The following CA4 variants were observed in gnomAD, a reference collection of about 807,000 sequenced individuals.
CA4 encodes the protein CA-IV.
Under a neutral mutation model 34.5 loss-of-function variants are expected in CA4, and 24 were observed. The ratio of observed to expected loss-of-function variants is 0.70; its 90% CI spans 0.50 to 0.98. The LOEUF (loss-of-function observed/expected upper bound fraction) is 0.98, where lower values mean the gene tolerates loss of function less well. Among genes scored for constraint, CA4 ranks in the 50% least tolerant of loss-of-function variants. The probability of loss-of-function intolerance (pLI) is 0.00; values close to 1 mark genes in which losing one functional copy is unlikely to be tolerated. For missense variants in CA4, 394 were observed against 396.7 expected (o/e 0.99, Z 0.06); for synonymous variants, 178 against 170.6 (o/e 1.04, Z -0.34).
downstream of CA4, among the ~76,000 whole-genome samples, chr17:60,164,362 G>GTCTT (rs780320109): frequency 2.0e-4 from 28 of 140,842 alleles, no homozygotes; most frequent in East Asian, 4.1e-3. Flanking sequence ...CAGTCTGTCT[G>GTCTT]TCTGTCTGTC....
chr17:60,161,437 G>A (rs1466760386), downstream of CA4, among the ~76,000 whole-genome samples: 3 of 152,112 alleles, frequency 2.0e-5, no homozygotes, highest in South Asian at 2.1e-4. Context: ...CTGGCTGGGT[G>A]AGGACCCCTT....
chr17:60,156,863 A>G, intron 3 of CA4, 148 bp downstream of exon 3: 1 of 743,030 alleles, frequency 1.3e-6, no homozygotes, highest in Non-Finnish European at 2.4e-6. Context: ...GACAGCTTCC[A>G]GGAGGAGAGA....
intron 1 of CA4, among the ~76,000 whole-genome samples, chr17:60,151,727 C>T (rs1217269979): frequency 6.6e-6 from 1 of 152,198 alleles, no homozygotes; most frequent in Non-Finnish European, 1.5e-5. Flanking sequence ...CAGCTCACCC[C>T]TCACACAAGC....
chr17:60,156,528 C>G, intron 2 of CA4, 32 bp from the exon 3 acceptor site: 1 of 1,613,262 alleles, frequency 6.2e-7, no homozygotes, highest in Non-Finnish European at 8.5e-7. Flanking sequence ...GCCAGGCACC[C>G]GACTCTCAGC....
chr17:60,155,736 A>G (rs1008761052), intron 2 of CA4, among the ~76,000 whole-genome samples: 1 of 152,084 alleles, frequency 6.6e-6, no homozygotes, highest in Non-Finnish European at 1.5e-5. Context: ...ACCAGGGAGC[A>G]TAGAGTGACC....
intron 5 of CA4, among the ~76,000 whole-genome samples, chr17:60,165,398 G>A (rs559171802): frequency 2.6e-5 from 4 of 152,220 alleles, no homozygotes; most frequent in African/African-American, 9.6e-5. Flanking sequence ...GAGAAAAGGG[G>A]GCCCTCTGAG....
At chr17:60,158,251 C>T (rs2083729886) in intron 6 of CA4, 32 bp from the exon 7 acceptor site, 4 of 1,613,184 alleles carry the variant, frequency 2.5e-6, no homozygotes, top group East Asian at 4.5e-5. Flanking sequence ...TTCTCCCACC[C>T]TCACTGACAG....
downstream of CA4, among the ~76,000 whole-genome samples, chr17:60,160,309 A>G (rs1485586408): frequency 1.3e-5 from 2 of 152,238 alleles, no homozygotes; most frequent in Non-Finnish European, 2.9e-5. Context: ...TCAAAAATTT[A>G]TTGAGCGTTT....
chr17:60,166,976 C>A (rs1393428750), intron 5 of CA4, among the ~76,000 whole-genome samples: 2 of 151,592 alleles, frequency 1.3e-5, no homozygotes, highest in Admixed American at 1.3e-4. Flanking sequence ...AAAGAAAACC[C>A]CCCAAAAAAC....
At chr17:60,159,191 C>T (rs1294338068) in intron 7 of CA4, 39 bp from the exon 8 acceptor site, 3 of 1,556,510 alleles carry the variant, frequency 1.9e-6, no homozygotes, top group Non-Finnish European at 2.6e-6. Flanking sequence ...GAGTGCAGCT[C>T]CCCCTGCCCC....
In CA4 at chr17:60,156,660, C is replaced by T; in HGVS notation, c.213C>T (p.Phe71=). The part of the protein sequence containing the change: ...AKVDKKLGRF[F]FSGYDKKQTW... Reference sequence around the variant, plus strand: ...TGGACAAAAAACTGGGACGCTTCTTCTTCTCTGGCTACGATAAGAAGCAAA... The same window carrying T: ...TGGACAAAAAACTGGGACGCTTCTTTTTCTCTGGCTACGATAAGAAGCAAA... Residue 71 remains phenylalanine (F), a synonymous_variant, in exon 3 of 8, where the codon TTC becomes TTT. Coordinates refer to ENST00000300900, the MANE Select transcript of CA4 (RefSeq NM_000717.5). 2 of 1,614,178 alleles carry T rather than the reference C, an allele frequency of 1.2e-6. No homozygotes were observed. Among genetic ancestry groups the T allele is most frequent in the Non-Finnish European group, 8.5e-7 (1 of 1,179,980 alleles).
At chr17:60,163,082 T>G (rs1295999630), downstream of CA4, among the ~76,000 whole-genome samples, 1 of 150,936 alleles carries the variant, frequency 6.6e-6, no homozygotes, top group African/African-American at 2.4e-5. Context: ...TTCCCCATCT[T>G]GGCTCTTGGT....
At chr17:60,153,921 G>A (rs1016394970) in intron 1 of CA4, among the ~76,000 whole-genome samples, 77 of 152,312 alleles carry the variant, frequency 5.1e-4, no homozygotes, top group Middle Eastern at 6.8e-3. Context: ...AGTGATCAGG[G>A]CAGGGAAACT....
At chr17:60,173,058 G>A (rs568100650), downstream of CA4, among the ~76,000 whole-genome samples, 276 of 151,654 alleles carry the variant, frequency 1.8e-3, no homozygotes, top group Non-Finnish European at 3.3e-3. Context: ...CAGGAGAATT[G>A]CTTGAACCTG....
downstream of CA4, among the ~76,000 whole-genome samples, chr17:60,159,740 A>G (rs2083764499): frequency 6.6e-6 from 1 of 152,118 alleles, no homozygotes; most frequent in Non-Finnish European, 1.5e-5. Context: ...CAGGACCTGG[A>G]CCTTGGAGAG....
chr17:60,151,724 C>A (rs2083595271), intron 1 of CA4, among the ~76,000 whole-genome samples: 2 of 152,194 alleles, frequency 1.3e-5, no homozygotes, highest in African/African-American at 4.8e-5. Context: ...TCTCAGCTCA[C>A]CCCTCACACA....
At chr17:60,161,704 C>CA (rs2083791155), downstream of CA4, among the ~76,000 whole-genome samples, 1 of 151,922 alleles carries the variant, frequency 6.6e-6, no homozygotes, top group Non-Finnish European at 1.5e-5. Context: ...CTTTTGTAAC[C>CA]AAAAATAAGT....
chr17:60,167,300 T>G (rs901138379), intron 5 of CA4, among the ~76,000 whole-genome samples: 11 of 152,208 alleles, frequency 7.2e-5, no homozygotes, highest in Admixed American at 4.6e-4. Flanking sequence ...ACCCTAGCCC[T>G]GGAGCGCTCT....
At chr17:60,162,576 C>A (rs1347098137), downstream of CA4, among the ~76,000 whole-genome samples, 1 of 151,916 alleles carries the variant, frequency 6.6e-6, no homozygotes, top group East Asian at 1.9e-4. Flanking sequence ...CACACACACA[C>A]ACACACACAC....
Sources: gnomAD v4.1 joint callset for allele counts (sites outside exome capture counted in the v4.1 genomes callset) on GRCh38, gnomAD v4.1.1 for gene constraint, MANE v1.5 for transcripts, NCBI Gene and HGNC (gene_info 2026-07-23, HGNC 2026-07-21) for gene names.